Variants in RAPH1 observed in about 807,000 individuals in gnomAD.
RAPH1 encodes ras-associated and pleckstrin homology domains-containing protein 1.
Under a neutral mutation model 88.1 loss-of-function variants are expected in RAPH1, and 18 were observed. That is an observed-to-expected ratio of 0.20 (90% CI 0.14 to 0.30). The LOEUF is 0.30. Among genes scored for constraint, RAPH1 ranks in the 10% least tolerant of loss-of-function variants. The pLI, the probability that RAPH1 is intolerant of heterozygous loss-of-function variation, is 1.00. For missense variants in RAPH1, 1,448 were observed against 1,543.2 expected, an observed-to-expected ratio of 0.94 and a Z score of 1.03; for synonymous variants, 587 against 559.0, an observed-to-expected ratio of 1.05 and a Z score of -0.71.
rs2098500983 is a variant in RAPH1 at position 203,439,236 on chromosome 2, C to T, written c.*201G>A. ...TCAGCTCTCTCTCTATATACACATA[C>T]ACATACATATATGTATACATATATA... On this transcript the variant is annotated 3_prime_UTR_variant, in exon 14 of 14. Coordinates refer to ENST00000319170, the MANE Select transcript of RAPH1 (RefSeq NM_213589.3). The T allele has an allele frequency of 9.0e-6, 5 of 554,938 alleles. No homozygotes were observed. In the Admixed American group the frequency reaches 9.1e-5, roughly 10 times the overall value. 34.4% of individuals were successfully genotyped at this position (554,938 alleles called of 1,614,324 possible). A position where few individuals can be genotyped will look rare whatever the true frequency, so the allele number is the denominator to read the frequency against.
At position 203,437,435 on chromosome 2, in the gene RAPH1, C is replaced by G. The variant is rs1037979205; in HGVS notation, c.*2002G>C. ...GACTATGAGAAATTCATTCATGAAT[C>G]ACAGTAGCGCTTGGCAATCTACTCA... On this transcript the variant is annotated 3_prime_UTR_variant, in exon 14 of 14. Coordinates refer to ENST00000319170, the MANE Select transcript of RAPH1 (RefSeq NM_213589.3). 6.6e-6 allele frequency: 1 copy of G among 152,214 alleles called. No homozygotes were observed. Among genetic ancestry groups the G allele is most frequent in the Non-Finnish European group, 1.5e-5 (1 of 68,042 alleles). The allele number at this position is 152,214 out of a possible 1,614,324, so 9.4% of individuals were successfully genotyped here.
intron 1 of RAPH1, among the ~76,000 whole-genome samples, chr2:203,503,351 C>A (rs753934559): frequency 6.6e-6 from 1 of 152,110 alleles, no homozygotes; most frequent in Non-Finnish European, 1.5e-5. Flanking sequence ...TTTAACTGGA[C>A]GTACAGTTCC....
chr2:203,528,466 G>T (rs918032652), intron 1 of RAPH1, among the ~76,000 whole-genome samples: 1 of 152,156 alleles, frequency 6.6e-6, no homozygotes, highest in Non-Finnish European at 1.5e-5. Context: ...AGCCCAATCT[G>T]CATAATTGAT....
At chr2:203,518,146 G>A (rs1178409133) in intron 1 of RAPH1, among the ~76,000 whole-genome samples, 1 of 151,920 alleles carries the variant, frequency 6.6e-6, no homozygotes, top group Non-Finnish European at 1.5e-5. Context: ...AAAAAAAAGA[G>A]AACACAAATT....
chr2:203,451,209 A>T lies in RAPH1; in HGVS notation c.1414-2373T>A, dbSNP rs527584627. On this transcript the variant is annotated intron_variant, in intron 10 of 13. Coordinates refer to ENST00000319170, the MANE Select transcript of RAPH1 (RefSeq NM_213589.3). ...AATACATTATTTTATTAAAAGTGGC[A>T]TTTATTGCACCCTTGCTATGTACTA... Among the ~76,000 whole-genome samples, 5 of 152,282 alleles carry T rather than the reference A, an allele frequency of 3.3e-5. No individual in the cohort carries two copies. In the East Asian group the frequency reaches 9.6e-4, roughly 29 times the overall value.
intron 7 of RAPH1, 87 bp downstream of exon 7, chr2:203,459,820 C>T (rs1404824173): frequency 7.4e-6 from 10 of 1,345,492 alleles, no homozygotes; most frequent in Non-Finnish European, 9.4e-6. Flanking sequence ...AGGTGTTTAC[C>T]AGTCTTTTAA....
At chr2:203,462,929 G>T (rs1395578105) in intron 4 of RAPH1, among the ~76,000 whole-genome samples, 1 of 152,104 alleles carries the variant, frequency 6.6e-6, no homozygotes, top group African/African-American at 2.4e-5. Context: ...GGTTGGGCGT[G>T]TTGGCTCATT....
intron 4 of RAPH1, among the ~76,000 whole-genome samples, chr2:203,476,000 G>A (rs746778743): frequency 6.6e-6 from 1 of 151,842 alleles, no homozygotes. Flanking sequence ...AATTTCACTT[G>A]GACAGTAAAG....
chr2:203,493,263 T>G (rs142934042), intron 2 of RAPH1, among the ~76,000 whole-genome samples: 205 of 152,284 alleles, frequency 1.3e-3, no homozygotes, highest in African/African-American at 4.8e-3. Context: ...CAGGGGAAAG[T>G]ACAAGGTATC....
Position 203,463,201 on chromosome 2 carries a change from C to CA in RAPH1, c.733-1277dup, listed in dbSNP as rs71007520. Among the ~76,000 whole-genome samples the CA allele has an allele frequency of 5.7e-3, 653 of 114,410 alleles. 3 individuals are homozygous for CA. Among genetic ancestry groups the CA allele is most frequent in the African/African-American group, 0.015 (489 of 33,580 alleles). 75.1% of individuals were successfully genotyped at this position (114,410 alleles called of 152,430 possible). ...TGGGCAACAGAGCGAGACTCCATCT[C>CA]AAAAAAAAAAAAAGAAAAGAAAAAT... On this transcript the variant is annotated intron_variant, in intron 4 of 13. Transcript: ENST00000319170.
At chr2:203,514,173 T>C (rs961505112) in intron 1 of RAPH1, among the ~76,000 whole-genome samples, 7 of 152,108 alleles carry the variant, frequency 4.6e-5, no homozygotes, top group African/African-American at 1.7e-4. Context: ...GAGTAAGGTA[T>C]CTGCTGCCAG....
chr2:203,514,870 T>G (rs1330573780), intron 1 of RAPH1, among the ~76,000 whole-genome samples: 1 of 152,204 alleles, frequency 6.6e-6, no homozygotes, highest in Middle Eastern at 3.2e-3. Context: ...GTTTTTCATT[T>G]AACAATCTTG....
At position 203,441,392 on chromosome 2, in the gene RAPH1, G is replaced by A. The variant is rs780089750; in HGVS notation, c.1798C>T (p.Arg600Trp). ...GGGGGCACAAGTGAAGTGTAGGGCC[G>A]ATTCATAGACTCCATTCTGGCCTAA... ...SSKARMESMN[R>W]PYTSLVPPLS... The change falls in exon 14 of 14, where the codon CGG (arginine) becomes TGG (tryptophan). Residue 600 changes from arginine to tryptophan, a missense_variant. Coordinates refer to ENST00000319170, the MANE Select transcript of RAPH1 (RefSeq NM_213589.3). 1.9e-5 allele frequency: 30 copies of A among 1,561,978 alleles called. No individual in the cohort carries two copies. Among genetic ancestry groups the A allele is most frequent in the Non-Finnish European group, 1.8e-5 (21 of 1,156,606 alleles).
intron 1 of RAPH1, among the ~76,000 whole-genome samples, chr2:203,510,966 G>A (rs1225060799): frequency 2.0e-5 from 3 of 152,096 alleles, no homozygotes; most frequent in Non-Finnish European, 4.4e-5. Context: ...AAGTTTAAGT[G>A]TGTGCTAGTT....
At chr2:203,519,157 A>G (rs1165131531) in intron 1 of RAPH1, among the ~76,000 whole-genome samples, 4 of 152,078 alleles carry the variant, frequency 2.6e-5, no homozygotes, top group Admixed American at 1.3e-4. Context: ...ATGAGCCAGC[A>G]TAATCCTAAT....
chr2:203,461,614 G>T (rs2098524297), intron 5 of RAPH1, among the ~76,000 whole-genome samples: 1 of 152,072 alleles, frequency 6.6e-6, no homozygotes, highest in Admixed American at 6.5e-5. Context: ...AAATATAACA[G>T]ATAAGGTTAT....
intron 2 of RAPH1, among the ~76,000 whole-genome samples, chr2:203,494,453 A>C (rs1449274839): frequency 6.6e-6 from 1 of 152,178 alleles, no homozygotes; most frequent in Non-Finnish European, 1.5e-5. Flanking sequence ...AGATTTTGCC[A>C]CTGTTTTAAA....
intron 4 of RAPH1, among the ~76,000 whole-genome samples, chr2:203,472,714 A>T (rs920218915): frequency 6.6e-6 from 1 of 152,234 alleles, no homozygotes; most frequent in Admixed American, 6.5e-5. Context: ...TTAAAAAAAT[A>T]AAATCTGCCT....
chr2:203,450,216 T>A (rs2153637287), intron 10 of RAPH1, among the ~76,000 whole-genome samples: 1 of 152,132 alleles, frequency 6.6e-6, no homozygotes, highest in South Asian at 2.1e-4. Context: ...TAAAGATCAA[T>A]CACTCTGGTC....
Sources: allele counts gnomAD v4.1 joint callset (sites outside exome capture counted in the v4.1 genomes callset), GRCh38; gene constraint gnomAD v4.1.1; transcripts MANE v1.5; gene names NCBI Gene and HGNC (gene_info 2026-07-23, HGNC 2026-07-21).